Variants in PCDH15 observed in about 807,000 individuals in gnomAD.
PCDH15 encodes the protein protocadherin related 15.
Under a neutral mutation model 178.5 loss-of-function variants are expected in PCDH15, and 129 were observed. The ratio of observed to expected loss-of-function variants is 0.72; its 90% CI spans 0.63 to 0.84. The LOEUF is 0.84. PCDH15 is among the 40% of genes least tolerant of loss of function. PCDH15 has a pLI of 0.00. For missense variants in PCDH15, 2,230 were observed against 2,099.9 expected (o/e 1.06, Z -1.21); for synonymous variants, 800 against 732.0 (o/e 1.09, Z -1.50).
chr10:53,995,644 C>T lies in PCDH15; in HGVS notation c.2868+5G>A, dbSNP rs757993503. 1 of 1,613,844 alleles carries T rather than the reference C, an allele frequency of 6.2e-7. No individual in the cohort carries two copies. The highest frequency in any genetic ancestry group is 1.7e-5 in the Admixed American group (1 of 60,018). On this transcript the variant is annotated splice_donor_5th_base_variant and intron_variant, in intron 21 of 37. Coordinates refer to ENST00000644397, the MANE Select transcript of PCDH15 (RefSeq NM_001384140.1). The stretch of plus-strand genomic sequence containing the variant: ...TCAGAATATTAATCAATGCCTTCTA[C>T]TTACAGGAGGGTCTGCATCTTCAGC...
intron 2 of PCDH15, among the ~76,000 whole-genome samples, chr10:54,645,821 A>G (rs182140674): frequency 1.1e-4 from 16 of 152,286 alleles, no homozygotes; most frequent in African/African-American, 3.8e-4. Context: ...ACTAACATAT[A>G]TTTATCATTT....
intron 3 of PCDH15, among the ~76,000 whole-genome samples, chr10:54,509,342 T>C (rs2137689385): frequency 6.6e-6 from 1 of 152,196 alleles, no homozygotes; most frequent in Admixed American, 6.6e-5. Context: ...TATAAGGGTT[T>C]CCCCTTTCAC....
intron 8 of PCDH15, among the ~76,000 whole-genome samples, chr10:54,299,384 T>C (rs1307278552): frequency 6.8e-6 from 1 of 146,514 alleles, no homozygotes; most frequent in East Asian, 2.2e-4. Flanking sequence ...AAGAGGGAGA[T>C]AGAAGTAGTA....
chr10:55,501,583 G>A (rs904290899), intron 2 of PCDH15, among the ~76,000 whole-genome samples: 1 of 151,640 alleles, frequency 6.6e-6, no homozygotes, highest in Non-Finnish European at 1.5e-5. Flanking sequence ...TAGTGTTTTA[G>A]AAAATAAAAG....
chr10:53,877,387 A>G (rs1429233503), intron 26 of PCDH15, among the ~76,000 whole-genome samples: 2 of 152,198 alleles, frequency 1.3e-5, no homozygotes, highest in Non-Finnish European at 2.9e-5. Flanking sequence ...TATGCTTTTT[A>G]CTTGAGAGGA....
intron 2 of PCDH15, among the ~76,000 whole-genome samples, chr10:54,898,622 C>T (rs1381947031): frequency 6.6e-6 from 1 of 152,082 alleles, no homozygotes; most frequent in Non-Finnish European, 1.5e-5. Context: ...ACTGAATTTT[C>T]TATCCAATAA....
At chr10:54,823,035 C>G (rs1007531879) in intron 3 of PCDH15, among the ~76,000 whole-genome samples, 1 of 151,884 alleles carries the variant, frequency 6.6e-6, no homozygotes, top group South Asian at 2.1e-4. Context: ...GTGGGTGCCA[C>G]GACGTCCAGC....
At chr10:55,167,127 G>A (rs1839215713) in intron 1 of PCDH15, among the ~76,000 whole-genome samples, 1 of 152,006 alleles carries the variant, frequency 6.6e-6, no homozygotes, top group Non-Finnish European at 1.5e-5. Context: ...ATTTTATTTT[G>A]TTTTGAGACA....
chr10:54,573,517 TC>T (rs1422955365), intron 2 of PCDH15, among the ~76,000 whole-genome samples: 1 of 152,200 alleles, frequency 6.6e-6, no homozygotes, highest in Non-Finnish European at 1.5e-5. Context: ...TTGACTCATT[TC>T]CCCTGAAGGT....
At chr10:54,851,884 T>C (rs1403844259) in intron 3 of PCDH15, among the ~76,000 whole-genome samples, 1 of 152,132 alleles carries the variant, frequency 6.6e-6, no homozygotes, top group Non-Finnish European at 1.5e-5. Context: ...TATTATATAA[T>C]TTAATACAAA....
chr10:54,435,006 T>G (rs1193281591), intron 3 of PCDH15, among the ~76,000 whole-genome samples: 1 of 152,162 alleles, frequency 6.6e-6, no homozygotes, highest in East Asian at 1.9e-4. Flanking sequence ...AGGGGTTTAG[T>G]GAGATTTAGT....
intron 2 of PCDH15, among the ~76,000 whole-genome samples, chr10:55,452,115 A>C (rs955863034): frequency 2.0e-5 from 3 of 152,224 alleles, no homozygotes; most frequent in African/African-American, 2.4e-5. Flanking sequence ...ATTAGACAGA[A>C]TAATACTCTG....
intron 2 of PCDH15, among the ~76,000 whole-genome samples, chr10:55,526,545 CTCTT>C (rs1454765497): frequency 6.6e-6 from 1 of 152,000 alleles, no homozygotes; most frequent in Non-Finnish European, 1.5e-5. Flanking sequence ...TATTGTGAGA[CTCTT>C]TCTACCATAC....
At chr10:55,321,353 G>C (rs77228291), upstream of PCDH15, among the ~76,000 whole-genome samples, 1,199 of 152,180 alleles carry the variant, frequency 7.9e-3, 19 homozygotes, top group African/African-American at 0.028. Flanking sequence ...TATATAAAGA[G>C]ACCAAGTCTA....
chr10:54,881,787 G>T (rs928629908), intron 3 of PCDH15, among the ~76,000 whole-genome samples: 1 of 152,044 alleles, frequency 6.6e-6, no homozygotes, highest in East Asian at 1.9e-4. Context: ...GACTGGTGGG[G>T]CTTTTTCACA....
At chr10:54,601,293 C>T (rs568317703) in intron 2 of PCDH15, among the ~76,000 whole-genome samples, 133 of 151,652 alleles carry the variant, frequency 8.8e-4, no homozygotes, top group African/African-American at 3.0e-3. Flanking sequence ...TGACAAAGGT[C>T]GATTATCTAG....
intron 2 of PCDH15, among the ~76,000 whole-genome samples, chr10:54,537,840 T>C (rs1237712562): frequency 6.6e-6 from 1 of 152,116 alleles, no homozygotes; most frequent in Non-Finnish European, 1.5e-5. Flanking sequence ...CTCATTGTGG[T>C]TTTGATTTGC....
At chr10:54,158,212 T>C (rs2045350287) in intron 13 of PCDH15, among the ~76,000 whole-genome samples, 1 of 152,174 alleles carries the variant, frequency 6.6e-6, no homozygotes, top group Non-Finnish European at 1.5e-5. Context: ...ATTGCTGATA[T>C]AGACATACCC....
intron 2 of PCDH15, among the ~76,000 whole-genome samples, chr10:55,528,816 T>G (rs368274513): frequency 1.3e-5 from 2 of 152,274 alleles, no homozygotes; most frequent in East Asian, 3.9e-4. Flanking sequence ...ACTTCCACAA[T>G]GGTTGAACTA....
Sources: gnomAD v4.1 joint callset for allele counts (sites outside exome capture counted in the v4.1 genomes callset) on GRCh38, gnomAD v4.1.1 for gene constraint, MANE v1.5 for transcripts, NCBI Gene and HGNC (gene_info 2026-07-23, HGNC 2026-07-21) for gene names.